Variants in ESR1 observed in about 807,000 individuals in gnomAD.
ESR1 encodes estrogen receptor.
A neutral mutation model predicts 52.7 loss-of-function variants in ESR1; 12 were observed. The ratio of observed to expected loss-of-function variants is 0.23; its 90% CI spans 0.15 to 0.37. The LOEUF is 0.37. ESR1 is among the 10% of genes least tolerant of loss of function. The pLI, the probability that ESR1 is intolerant of heterozygous loss-of-function variation, is 1.00. For synonymous variants in ESR1, 305 were observed against 316.8 expected, an observed-to-expected ratio of 0.96 and a Z score of 0.39; for missense variants, 584 against 779.7, an observed-to-expected ratio of 0.75 and a Z score of 2.99.
In ESR1 at chr6:152,098,728, A is replaced by G. The variant is rs374332922; in HGVS notation, c.1554-4A>G. ...TAGTCCTTTCTGTGTCTTCCCACCT[A>G]CAGTAACAAAGGCATGGAGCATCTG... On this transcript the variant is annotated splice_polypyrimidine_tract_variant and splice_region_variant and intron_variant, in intron 7 of 7. Coordinates refer to ENST00000206249, the MANE Select transcript of ESR1 (RefSeq NM_000125.4). This position sits in a 1 kb window ranked among gnomAD's most constrained non-coding sequence, Gnocchi z 5.1. 1.9e-6 allele frequency: 3 copies of G among 1,612,642 alleles called. No homozygotes were observed. Among genetic ancestry groups the G allele is most frequent in the African/African-American group, 2.7e-5 (2 of 74,836 alleles).
intron 6 of ESR1, among the ~76,000 whole-genome samples, chr6:152,114,845 C>T (rs962881349): frequency 1.5e-5 from 2 of 133,514 alleles, no homozygotes; most frequent in Admixed American, 8.3e-5. Context: ...GAGCCGAGAT[C>T]GCGCCACTGC....
intron 2 of ESR1, among the ~76,000 whole-genome samples, chr6:151,788,819 G>A (rs1218518142): frequency 2.0e-5 from 3 of 152,186 alleles, no homozygotes; most frequent in Non-Finnish European, 4.4e-5. Flanking sequence ...GGAAGGAGCT[G>A]GAGGCCATTA....
rs552493688 is a variant in ESR1 at position 152,110,446 on chromosome 6, T to C, written c.851-14820T>C. On this transcript the variant is annotated intron_variant, in intron 6 of 6. Transcript: ENST00000427531. ...CAGGAACAGAAAACCAAATACTGCA[T>C]GTTCTCACTTATAAGTGGGAGCTAA... Among the ~76,000 whole-genome samples, 10 of 152,266 alleles carry C rather than the reference T, an allele frequency of 6.6e-5. No homozygotes were observed. The East Asian group carries it at 9.7e-4, about 15-fold the overall frequency.
chr6:151,997,714 G>C (rs1373183763), intron 4 of ESR1, among the ~76,000 whole-genome samples: 4 of 152,104 alleles, frequency 2.6e-5, no homozygotes. Context: ...TTTTAACAGG[G>C]AAAAAGTTAT....
chr6:151,982,056 T>C (rs728523), intron 4 of ESR1, among the ~76,000 whole-genome samples: 1 of 152,358 alleles, frequency 6.6e-6, no homozygotes, highest in East Asian at 1.9e-4. Flanking sequence ...CTCACTTTAT[T>C]CATTCACTCT....
chr6:151,927,396 C>G (rs1606680), intron 3 of ESR1, among the ~76,000 whole-genome samples: 118,066 of 152,110 alleles, frequency 0.78, 46,251 homozygotes, highest in African/African-American at 0.85. Context: ...TTTACTAACA[C>G]AGATTGTAGA....
intron 1 of ESR1, among the ~76,000 whole-genome samples, chr6:151,819,476 C>T (rs910328609): frequency 1.3e-5 from 2 of 152,096 alleles, no homozygotes; most frequent in African/African-American, 2.4e-5. Context: ...GCCTGAGCTC[C>T]GCCTCCTGTC....
intron 6 of ESR1, among the ~76,000 whole-genome samples, chr6:152,075,203 T>C (rs2048642973): frequency 6.6e-6 from 1 of 152,214 alleles, no homozygotes; most frequent in South Asian, 2.1e-4. Flanking sequence ...TTCTCTTGCT[T>C]TAATCAGAGA....
At chr6:151,982,019 C>T (rs541351627) in intron 4 of ESR1, among the ~76,000 whole-genome samples, 172 of 152,350 alleles carry the variant, frequency 1.1e-3, no homozygotes, top group African/African-American at 3.9e-3. Flanking sequence ...TTCCTTTACA[C>T]GTTACCAATG....
intron 2 of ESR1, among the ~76,000 whole-genome samples, chr6:151,863,891 A>G (rs1252908196): frequency 5.9e-5 from 9 of 152,202 alleles, no homozygotes; most frequent in African/African-American, 1.9e-4. Context: ...ACTTCCTTAC[A>G]CCTTATACAA....
intron 1 of ESR1, 125 bp downstream of exon 1, chr6:151,808,489 C>T (rs942522568): frequency 1.1e-4 from 93 of 833,112 alleles, no homozygotes; most frequent in Non-Finnish European, 1.5e-4. Context: ...CGAGGGTGCG[C>T]GCAGGGAGCC....
chr6:151,769,443 C>T (rs1207857370), intron 2 of ESR1, among the ~76,000 whole-genome samples: 1 of 152,136 alleles, frequency 6.6e-6, no homozygotes, highest in African/African-American at 2.4e-5. Context: ...CGCACACCCT[C>T]CCCCAACCCT....
chr6:151,811,406 T>C (rs572103057), intron 1 of ESR1: 1 of 152,244 alleles, frequency 6.6e-6, no homozygotes, highest in South Asian at 2.1e-4. Context: ...CTTTTTAAAG[T>C]TCTAATTAGG....
chr6:151,665,175 C>CTAG (rs773843351), intron 1 of ESR1, among the ~76,000 whole-genome samples: 1 of 152,130 alleles, frequency 6.6e-6, no homozygotes, highest in Non-Finnish European at 1.5e-5. Flanking sequence ...ACGGCTGCAC[C>CTAG]TAGCATGGTC....
intron 5 of ESR1, among the ~76,000 whole-genome samples, chr6:152,039,504 G>A (rs1584953261): frequency 6.6e-6 from 1 of 152,110 alleles, no homozygotes; most frequent in Middle Eastern, 3.4e-3. Context: ...AATCATTATT[G>A]TGTCTCCTGG....
intron 2 of ESR1, among the ~76,000 whole-genome samples, chr6:151,719,060 C>G (rs1781262165): frequency 6.6e-6 from 1 of 152,198 alleles, no homozygotes; most frequent in Non-Finnish European, 1.5e-5. Flanking sequence ...TGGATACAAT[C>G]CAATTTATAG....
rs1795897918 is a variant in ESR1, at chr6:151,898,414, T to C, written c.760+17643T>C. On this transcript the variant is annotated intron_variant, in intron 3 of 7. Coordinates refer to ENST00000206249, the MANE Select transcript of ESR1 (RefSeq NM_000125.4). The stretch of plus-strand genomic sequence containing the variant: ...TTTTTTTTTTTCTTTTCTTTTTTTT[T>C]TTTAATTGATCATTCTTGGGTGTTT... Among the ~76,000 whole-genome samples, 4 of 151,632 alleles carry C rather than the reference T, an allele frequency of 2.6e-5. No individual in the cohort carries two copies. The South Asian group carries it at 8.3e-4, about 32-fold the overall frequency.
At chr6:151,959,153 ATG>A in intron 4 of ESR1, among the ~76,000 whole-genome samples, 1 of 152,228 alleles carries the variant, frequency 6.6e-6, no homozygotes, top group South Asian at 2.1e-4. Flanking sequence ...ACACTCCCTG[ATG>A]TGTGAACTGG....
chr6:151,754,846 C>T (rs1386435700), intron 2 of ESR1, among the ~76,000 whole-genome samples: 1 of 152,176 alleles, frequency 6.6e-6, no homozygotes, highest in African/African-American at 2.4e-5. Flanking sequence ...GAACTCTAGA[C>T]GTGTCCATCC....
Sources: gnomAD v4.1 joint callset for allele counts (sites outside exome capture counted in the v4.1 genomes callset) on GRCh38, gnomAD v4.1.1 for gene constraint, Gnocchi (gnomAD v3.1) non-coding constraint, MANE v1.5 for transcripts, NCBI Gene and HGNC (gene_info 2026-07-23, HGNC 2026-07-21) for gene names.